Variants in FBXO36 observed in about 807,000 individuals in gnomAD.
FBXO36 encodes F-box only protein 36.
In FBXO36, 18 loss-of-function variants were observed where a neutral mutation model predicts 17.0. The ratio of observed to expected loss-of-function variants is 1.06; its 90% confidence interval spans 0.73 to 1.57. The LOEUF (loss-of-function observed/expected upper bound fraction) is 1.57, where lower values mean the gene tolerates loss of function less well. Among genes scored for constraint, FBXO36 ranks in the 40% most tolerant of loss-of-function variants. The pLI is 0.00. For missense variants in FBXO36, 229 were observed against 221.9 expected (o/e 1.03, Z -0.20); for synonymous variants, 83 against 85.3 (o/e 0.97, Z 0.15).
intron 2 of FBXO36, among the ~76,000 whole-genome samples, chr2:229,990,947 C>T (rs1372491005): frequency 2.7e-5 from 4 of 150,304 alleles, no homozygotes; most frequent in African/African-American, 9.8e-5. Flanking sequence ...TTTTTTTTCC[C>T]CTCCCCCGCC....
chr2:229,923,938 G>C (rs1327112527), intron 1 of FBXO36, among the ~76,000 whole-genome samples: 4 of 128,940 alleles, frequency 3.1e-5, no homozygotes, highest in Non-Finnish European at 6.2e-5. Context: ...CTGCGACCTC[G>C]TTTCACCATG....
At chr2:229,979,975 A>G (rs1208575130) in intron 2 of FBXO36, among the ~76,000 whole-genome samples, 2 of 152,152 alleles carry the variant, frequency 1.3e-5, no homozygotes, top group African/African-American at 4.8e-5. Context: ...TGGACCAGAC[A>G]TGTTTCTATG....
rs557742582 is a variant in FBXO36, at chr2:229,965,568, C to G, written c.97-10673C>G. On this transcript the variant is annotated intron_variant, in intron 1 of 3. Coordinates refer to ENST00000283946, the MANE Select transcript of FBXO36 (RefSeq NM_174899.5). The stretch of plus-strand genomic sequence containing the variant: ...GGCCCCAGTGTGTGATGTTCCCCTT[C>G]CTGTGTCCAGGTGTTCACATTGTTC... 2.2e-4 allele frequency among the ~76,000 whole-genome samples: 31 copies of G among 142,874 alleles called. No homozygotes were observed. The South Asian group carries it at 7.1e-3, about 33-fold the overall frequency. The allele number at this position is 142,874 out of a possible 152,430, so 93.7% of individuals were successfully genotyped here. A position where few individuals can be genotyped will look rare whatever the true frequency, so the allele number is the denominator to read the frequency against.
At chr2:229,991,799 A>G (rs1188366213) in intron 2 of FBXO36, among the ~76,000 whole-genome samples, 4 of 152,212 alleles carry the variant, frequency 2.6e-5, no homozygotes, top group African/African-American at 9.6e-5. Flanking sequence ...TTGAGTGACA[A>G]CACTGTTAAG....
rs1577370121 is a variant in FBXO36, at chr2:230,012,361, C to A, written c.*1477C>A. 1 of 152,242 alleles carries A rather than the reference C, an allele frequency of 6.6e-6. No individual in the cohort carries two copies. Among genetic ancestry groups the A allele is most frequent in the Non-Finnish European group, 1.5e-5 (1 of 68,056 alleles). 9.4% of individuals were successfully genotyped at this position (152,242 alleles called of 1,614,324 possible). On this transcript the variant is annotated 3_prime_UTR_variant, in exon 4 of 4. Coordinates refer to ENST00000283946, the MANE Select transcript of FBXO36 (RefSeq NM_174899.5). The stretch of plus-strand genomic sequence containing the variant: ...ACCCAGTCACGGGGCTCCCCGGTGC[C>A]AGTTTGAGACCGTCAACCTAGCCCT...
intron 1 of FBXO36, among the ~76,000 whole-genome samples, chr2:229,943,930 T>TG (rs2077013162): frequency 6.6e-6 from 1 of 152,126 alleles, no homozygotes; most frequent in African/African-American, 2.4e-5. Flanking sequence ...ACTTCCCTCT[T>TG]GCTGTTGTTG....
intron 2 of FBXO36, among the ~76,000 whole-genome samples, chr2:229,978,346 G>T (rs1042595508): frequency 6.6e-6 from 1 of 151,538 alleles, no homozygotes; most frequent in African/African-American, 2.4e-5. Context: ...ACTTCGGAAG[G>T]CCAAGGTGGG....
Position 229,926,860 on chromosome 2 carries a change from G to T in FBXO36, c.96+4251G>T, listed in dbSNP as rs573468794. Reference sequence around the variant, plus strand: ...AGTGTTAGGGGTGGAAAGGATCTTTGTTTTTTTTTTGTTTTTGCAACAAGA... The same window carrying T: ...AGTGTTAGGGGTGGAAAGGATCTTTTTTTTTTTTTTGTTTTTGCAACAAGA... On this transcript the variant is annotated intron_variant, in intron 1 of 3. Coordinates refer to ENST00000283946, the MANE Select transcript of FBXO36 (RefSeq NM_174899.5). 2.0e-5 allele frequency among the ~76,000 whole-genome samples: 3 copies of T among 147,836 alleles called. No homozygotes were observed. In the East Asian group the frequency reaches 6.0e-4, roughly 29 times the overall value.
chr2:229,995,674 C>T (rs1179707119), intron 2 of FBXO36, among the ~76,000 whole-genome samples: 6 of 145,732 alleles, frequency 4.1e-5, no homozygotes, highest in Non-Finnish European at 7.5e-5. Context: ...CTCACCGCAA[C>T]CTCCGCCTCC....
chr2:229,989,776 T>C (rs2077289123), intron 2 of FBXO36, among the ~76,000 whole-genome samples: 1 of 149,470 alleles, frequency 6.7e-6, no homozygotes, highest in Non-Finnish European at 1.5e-5. Flanking sequence ...GGTTTCACCA[T>C]CTTGGCCAGG....
chr2:229,967,529 G>A (rs534878232), intron 1 of FBXO36, among the ~76,000 whole-genome samples: 2 of 152,116 alleles, frequency 1.3e-5, no homozygotes, highest in South Asian at 4.2e-4. Flanking sequence ...ATAAATAGCT[G>A]TTATTATTTT....
At chr2:229,927,751 GAA>G (rs796788553) in intron 1 of FBXO36, among the ~76,000 whole-genome samples, 5 of 115,416 alleles carry the variant, frequency 4.3e-5, no homozygotes, top group East Asian at 2.4e-4. Context: ...AGTGTCATTT[GAA>G]AAAAAAAAAA....
intron 1 of FBXO36, among the ~76,000 whole-genome samples, chr2:229,958,934 T>C (rs2077106384): frequency 6.6e-6 from 1 of 152,206 alleles, no homozygotes; most frequent in South Asian, 2.1e-4. Context: ...TCTTTGACAC[T>C]GAAGAAACAG....
At chr2:229,946,659 G>A (rs1024904616) in intron 1 of FBXO36, among the ~76,000 whole-genome samples, 1 of 152,170 alleles carries the variant, frequency 6.6e-6, no homozygotes, top group South Asian at 2.1e-4. Context: ...AAGACTGATA[G>A]AGGAGAGACA....
chr2:229,930,711 A>T (rs2076934472), intron 1 of FBXO36, among the ~76,000 whole-genome samples: 1 of 152,182 alleles, frequency 6.6e-6, no homozygotes, highest in African/African-American at 2.4e-5. Flanking sequence ...CGATTGCGCC[A>T]CTGCACTCAA....
intron 1 of FBXO36, among the ~76,000 whole-genome samples, chr2:229,960,424 C>T (rs2077114357): frequency 1.3e-5 from 2 of 152,144 alleles, no homozygotes; most frequent in South Asian, 4.1e-4. Flanking sequence ...AACCATCCTG[C>T]CACCTTGGCT....
chr2:229,936,676 C>A (rs1055713836), intron 1 of FBXO36, among the ~76,000 whole-genome samples: 1 of 152,014 alleles, frequency 6.6e-6, no homozygotes, highest in Non-Finnish European at 1.5e-5. Context: ...CGAGACTAAC[C>A]TGGGCAACAA....
chr2:229,978,116 C>CA (rs869287869), intron 2 of FBXO36, among the ~76,000 whole-genome samples: 42 of 149,944 alleles, frequency 2.8e-4, no homozygotes, highest in Admixed American at 1.0e-3. Flanking sequence ...AAACAAAAAC[C>CA]AAAAAAAAAA....
intron 1 of FBXO36, among the ~76,000 whole-genome samples, chr2:229,929,559 C>CT (rs1362585527): frequency 6.7e-6 from 1 of 149,844 alleles, no homozygotes; most frequent in Non-Finnish European, 1.5e-5. Flanking sequence ...GAGCAAGACT[C>CT]TGTTTCAAAA....
Sources: allele counts gnomAD v4.1 joint callset (sites outside exome capture counted in the v4.1 genomes callset), GRCh38; gene constraint gnomAD v4.1.1; transcripts MANE v1.5; gene names NCBI Gene and HGNC (gene_info 2026-07-23, HGNC 2026-07-21).